Variants in INTS2 observed in about 807,000 individuals in gnomAD.
INTS2 encodes the protein KIAA1287.
INTS2 carries 57 observed loss-of-function variants against 139.6 expected under a neutral mutation model. The ratio of observed to expected loss-of-function variants is 0.41; its 90% CI spans 0.33 to 0.51. The LOEUF (loss-of-function observed/expected upper bound fraction) is 0.51, where lower values mean the gene tolerates loss of function less well. INTS2 is among the 20% of genes least tolerant of loss of function. The pLI is 0.28. For synonymous variants in INTS2, 473 were observed against 493.4 expected, an observed-to-expected ratio of 0.96 and a Z score of 0.55; for missense variants, 1,196 against 1,436.7, an observed-to-expected ratio of 0.83 and a Z score of 2.71.
At chr17:61,927,418 G>GTATCATTAAAA in intron 1 of INTS2, 1 of 162,042 alleles carries the variant, frequency 6.2e-6, no homozygotes, top group South Asian at 1.6e-4. Context: ...AAGGCCGACC[G>GTATCATTAAAA]ACTAGCAGCA....
chr17:61,902,456 G>A (rs1458940747), intron 9 of INTS2, among the ~76,000 whole-genome samples: 2 of 152,064 alleles, frequency 1.3e-5, no homozygotes, highest in African/African-American at 2.4e-5. Context: ...TTATTGAGAT[G>A]TAATATACAT....
At chr17:61,915,566 C>T (rs2079573127) in intron 5 of INTS2, among the ~76,000 whole-genome samples, 1 of 148,940 alleles carries the variant, frequency 6.7e-6, no homozygotes, top group Admixed American at 6.7e-5. Flanking sequence ...CGCCTGCAAT[C>T]CCAGCACTTT....
intron 14 of INTS2, among the ~76,000 whole-genome samples, chr17:61,890,840 G>C (rs867737777): frequency 2.2e-4 from 34 of 151,264 alleles, no homozygotes; most frequent in African/African-American, 7.5e-4. Context: ...AAGGCAGGAG[G>C]ATCACTTGAG....
intron 17 of INTS2, 140 bp downstream of exon 17, chr17:61,880,867 G>A (rs2079172060): frequency 1.5e-6 from 1 of 647,834 alleles, no homozygotes; most frequent in Non-Finnish European, 2.6e-6. Flanking sequence ...AACGCAAAGA[G>A]TATTTTATAT....
intron 9 of INTS2, among the ~76,000 whole-genome samples, chr17:61,901,906 C>T (rs543090481): frequency 5.7e-4 from 86 of 152,042 alleles, no homozygotes; most frequent in African/African-American, 2.0e-3. Flanking sequence ...CCATTTTGCT[C>T]CTTCAGAATG....
At chr17:61,914,689 T>TGA (rs1259255755) in intron 5 of INTS2, among the ~76,000 whole-genome samples, 1 of 122,598 alleles carries the variant, frequency 8.2e-6, no homozygotes, top group Non-Finnish European at 1.6e-5. Context: ...GGCGACAGAG[T>TGA]GAGACTCCGT....
chr17:61,877,128 C>T (rs140019114), intron 18 of INTS2, among the ~76,000 whole-genome samples: 1,875 of 152,206 alleles, frequency 0.012, 20 homozygotes, highest in Middle Eastern at 0.037. Context: ...GCTAACTAAC[C>T]TTCACCTTGT....
Position 61,927,922 on chromosome 17 carries a change from C to G in INTS2, c.-287G>C. 1 of 1,614,006 alleles carries G rather than the reference C, an allele frequency of 6.2e-7. No homozygotes were observed. The highest frequency in any genetic ancestry group is 8.5e-7 in the Non-Finnish European group (1 of 1,179,888). ...CGGAAAAGCGGGAGACTTTTTCAAC[C>G]TGCACCCAGCACCTTCATTCATCCC... On this transcript the variant is annotated 5_prime_UTR_variant, in exon 1 of 25. Coordinates refer to ENST00000251334, the MANE Select transcript of INTS2 (RefSeq NM_001351695.2).
In INTS2 at chr17:61,869,675, G is replaced by A. The variant is rs1439434629; in HGVS notation, c.3030+62C>T. 3 of 1,546,402 alleles carry A rather than the reference G, an allele frequency of 1.9e-6. No homozygotes were observed. Among genetic ancestry groups the A allele is most frequent in the Admixed American group, 1.8e-5 (1 of 56,350 alleles). On this transcript the variant is annotated intron_variant, in intron 21 of 24. Coordinates refer to ENST00000251334, the MANE Select transcript of INTS2 (RefSeq NM_001351695.2). The surrounding 1 kb of genome is among the most constrained non-coding windows in gnomAD (Gnocchi z 5.4). ...TTTCTAAATGATCCCTGTTAATATA[G>A]TATTCAAAGCCCCCAAGAAAAATAA...
At position 61,872,068 on chromosome 17, in the gene INTS2, A is replaced by G. The variant is rs952214142; in HGVS notation, c.2778+197T>C. The G allele has an allele frequency of 1.7e-5, 7 of 412,106 alleles. No homozygotes were observed. The allele number at this position is 412,106 out of a possible 1,614,324, so 25.5% of individuals were successfully genotyped here. On this transcript the variant is annotated intron_variant, in intron 20 of 24. Coordinates refer to ENST00000251334, the MANE Select transcript of INTS2 (RefSeq NM_001351695.2). The surrounding 1 kb of genome is among the most constrained non-coding windows in gnomAD (Gnocchi z 4.8). ...CTATTTCATTCATATCATGAAGATTATTCCTGATTTCAGAAATACAACATA... is the reference window on the plus strand; with the variant it reads ...CTATTTCATTCATATCATGAAGATTGTTCCTGATTTCAGAAATACAACATA...
rs373399185 is a variant in INTS2, at chr17:61,919,314, TTAA to T, written c.649+83_649+85del. On this transcript the variant is annotated intron_variant, in intron 5 of 24. Transcript: ENST00000251334. The stretch of plus-strand genomic sequence containing the variant: ...AGATAAAATCTCAAATAAAATCCCA[TTAA>T]TGTTTCTTCTTAGGTCAAAAAGATA... The T allele has an allele frequency of 1.1e-3, 755 of 666,562 alleles. 4 individuals carry two copies. In the African/African-American group the frequency reaches 0.012, roughly 10 times the overall value. The allele number at this position is 666,562 out of a possible 1,614,324, so 41.3% of individuals were successfully genotyped here.
Position 61,876,161 on chromosome 17 carries a change from C to A in INTS2, c.2457-1123G>T, listed in dbSNP as rs568924518. On this transcript the variant is annotated intron_variant, in intron 18 of 24. Coordinates refer to ENST00000251334, the MANE Select transcript of INTS2 (RefSeq NM_001351695.2). The surrounding 1 kb of genome is among the most constrained non-coding windows in gnomAD (Gnocchi z 4.1). ...CCAGCCTGGGTGACAAAGCAAGACC[C>A]TGTATCTAAAAAGTAAAAATAAAAA... 2.6e-5 allele frequency among the ~76,000 whole-genome samples: 4 copies of A among 152,164 alleles called. No homozygotes were observed. In the East Asian group the frequency reaches 7.7e-4, roughly 29 times the overall value.
chr17:61,878,158 T>C, intron 17 of INTS2, 70 bp from the exon 18 acceptor site: 1 of 920,108 alleles, frequency 1.1e-6, no homozygotes, highest in South Asian at 1.4e-5. Flanking sequence ...AGTAGTGTTC[T>C]CTCAGACTAT....
At chr17:61,894,060 G>A in intron 12 of INTS2, 161 bp from the exon 13 acceptor site, 1 of 450,552 alleles carries the variant, frequency 2.2e-6, no homozygotes. Flanking sequence ...TTTGAATGCT[G>A]AGGAAATGTA....
intron 11 of INTS2, among the ~76,000 whole-genome samples, chr17:61,896,742 A>G (rs1290034873): frequency 6.6e-6 from 1 of 152,206 alleles, no homozygotes; most frequent in Non-Finnish European, 1.5e-5. Context: ...AAATTTGCAA[A>G]GATTAAAAAA....
intron 13 of INTS2, among the ~76,000 whole-genome samples, chr17:61,892,151 T>C (rs753215659): frequency 6.6e-6 from 1 of 152,074 alleles, no homozygotes; most frequent in Non-Finnish European, 1.5e-5. Context: ...ACATGTAAAA[T>C]GTTGGGGGTG....
chr17:61,868,407 T>C lies in INTS2; in HGVS notation c.3245-398A>G, dbSNP rs1473886075. On this transcript the variant is annotated intron_variant, in intron 23 of 24. Transcript: ENST00000251334. This position sits in a 1 kb window ranked among gnomAD's most constrained non-coding sequence, Gnocchi z 4.7. ...AGTGTAAACTCTTAATCACTACAAA[T>C]AATTATAACAGGATATAAATACGAT... is the stretch of plus-strand genomic sequence containing the variant. 6.6e-6 allele frequency among the ~76,000 whole-genome samples: 1 copy of C among 152,082 alleles called. No individual in the cohort carries two copies. The highest frequency in any genetic ancestry group is 1.5e-5 in the Non-Finnish European group (1 of 67,980).
In INTS2 at chr17:61,867,884, A is replaced by C; in HGVS notation, c.3370T>G (p.Cys1124Gly). 1 of 1,609,704 alleles carries C rather than the reference A, an allele frequency of 6.2e-7. No homozygotes were observed. The highest frequency in any genetic ancestry group is 8.5e-7 in the Non-Finnish European group (1 of 1,178,696). ...MSLLIQIGQV[C>G]ASDVATQTRD... The stretch of plus-strand genomic sequence containing the variant: ...GTCTGAGTGGCAACATCAGAGGCAC[A>C]AACTTGCCCTATTTGGATCAGCAAA... The change falls in exon 24 of 25, where the codon TGT (cysteine) becomes GGT (glycine). Residue 1124 changes from cysteine to glycine, a missense_variant. Coordinates refer to ENST00000251334, the MANE Select transcript of INTS2 (RefSeq NM_001351695.2). The surrounding 1 kb of genome is among the most constrained non-coding windows in gnomAD (Gnocchi z 5.6).
intron 9 of INTS2, among the ~76,000 whole-genome samples, chr17:61,902,552 G>A (rs1311954667): frequency 2.0e-5 from 3 of 151,990 alleles, no homozygotes; most frequent in African/African-American, 7.2e-5. Context: ...CAGAATTTTA[G>A]AACCTGTTCA....
Sources: gnomAD v4.1 joint callset for allele counts (sites outside exome capture counted in the v4.1 genomes callset) on GRCh38, gnomAD v4.1.1 for gene constraint, Gnocchi (gnomAD v3.1) non-coding constraint, MANE v1.5 for transcripts, NCBI Gene and HGNC (gene_info 2026-07-23, HGNC 2026-07-21) for gene names.